SLC27A2: variants seen among roughly 807,000 people sequenced by gnomAD.
SLC27A2 encodes the protein solute carrier family 27 member 2.
A neutral mutation model predicts 60.0 loss-of-function variants in SLC27A2; 54 were observed. That is an observed-to-expected ratio of 0.90 (90% confidence interval 0.72 to 1.13). The LOEUF (loss-of-function observed/expected upper bound fraction) is 1.13, where lower values mean the gene tolerates loss of function less well. Ranked by LOEUF, SLC27A2 falls within the 50% of genes most tolerant of loss-of-function variation. SLC27A2 has a pLI of 0.00. For synonymous variants in SLC27A2, 297 were observed against 297.6 expected, an observed-to-expected ratio of 1.00 and a Z score of 0.02; for missense variants, 739 against 777.6, an observed-to-expected ratio of 0.95 and a Z score of 0.59.
At chr15:50,208,510 C>T (rs1008187080) in intron 4 of SLC27A2, among the ~76,000 whole-genome samples, 2 of 152,142 alleles carry the variant, frequency 1.3e-5, no homozygotes, top group African/African-American at 4.8e-5. Flanking sequence ...ATATATAAAC[C>T]ACATAGTAGC....
chr15:50,231,399 C>A (rs910265926), intron 8 of SLC27A2, among the ~76,000 whole-genome samples: 4 of 152,118 alleles, frequency 2.6e-5, no homozygotes, highest in Admixed American at 2.0e-4. Flanking sequence ...CACACCCCGA[C>A]CTTGGCCTCC....
chr15:50,227,467 A>G (rs1185728653), intron 7 of SLC27A2, among the ~76,000 whole-genome samples: 1 of 152,234 alleles, frequency 6.6e-6, no homozygotes. Flanking sequence ...CTGCATTATT[A>G]CTGGTCACTC....
At position 50,216,610 on chromosome 15, in the gene SLC27A2, GTATATATATATATATATATATA is replaced by G. The variant is rs59683706; in HGVS notation, c.973-6330_973-6309del. Among the ~76,000 whole-genome samples, 8 of 66,490 alleles carry G rather than the reference GTATATATATATATATATATATA, an allele frequency of 1.2e-4. 1 individual carries two copies. Among genetic ancestry groups the G allele is most frequent in the South Asian group, 5.4e-4 (1 of 1,854 alleles). 43.6% of individuals were successfully genotyped at this position (66,490 alleles called of 152,430 possible). On this transcript the variant is annotated intron_variant, in intron 4 of 9. Coordinates refer to ENST00000267842, the MANE Select transcript of SLC27A2 (RefSeq NM_003645.4). ...AAGAAACTGTGGTGTGTGTGTGTGT[GTATATATATATATATATATATA>G]TATATATATATATATATATATATAG...
intron 4 of SLC27A2, among the ~76,000 whole-genome samples, chr15:50,222,433 G>A (rs927015682): frequency 6.6e-6 from 1 of 151,946 alleles, no homozygotes; most frequent in African/African-American, 2.4e-5. Flanking sequence ...TCTCTCTGTC[G>A]CTCACTGGAC....
chr15:50,216,055 T>A (rs921177353), intron 4 of SLC27A2, among the ~76,000 whole-genome samples: 4 of 152,138 alleles, frequency 2.6e-5, no homozygotes, highest in African/African-American at 9.7e-5. Flanking sequence ...ATCTTCACAA[T>A]CTATACACCT....
chr15:50,235,453 T>A (rs2045344926), intron 9 of SLC27A2, among the ~76,000 whole-genome samples: 1 of 152,182 alleles, frequency 6.6e-6, no homozygotes, highest in African/African-American at 2.4e-5. Context: ...TATGCACAGG[T>A]ATCTCATCCT....
intron 8 of SLC27A2, among the ~76,000 whole-genome samples, chr15:50,230,620 A>G (rs1333658997): frequency 2.0e-5 from 3 of 152,152 alleles, no homozygotes; most frequent in Admixed American, 6.5e-5. Flanking sequence ...GAGGGGAAAT[A>G]TGGCCACATC....
At chr15:50,227,336 G>T (rs1201271341) in intron 7 of SLC27A2, among the ~76,000 whole-genome samples, 158 bp downstream of exon 7, 3 of 152,228 alleles carry the variant, frequency 2.0e-5, no homozygotes, top group Non-Finnish European at 4.4e-5. Context: ...GGAATGAAGT[G>T]CATGAAGTGT....
chr15:50,205,808 G>A (rs2045107853), intron 4 of SLC27A2, among the ~76,000 whole-genome samples: 1 of 152,042 alleles, frequency 6.6e-6, no homozygotes, highest in Admixed American at 6.5e-5. Context: ...ATCCTTCCTT[G>A]GCTGTAATAT....
intron 1 of SLC27A2, among the ~76,000 whole-genome samples, chr15:50,183,873 C>G (rs2044895905): frequency 6.6e-6 from 1 of 151,896 alleles, no homozygotes; most frequent in Non-Finnish European, 1.5e-5. Context: ...GCTTTTATTA[C>G]CCCGGGAGAT....
intron 1 of SLC27A2, among the ~76,000 whole-genome samples, chr15:50,195,653 A>AT (rs1244968579): frequency 6.6e-6 from 1 of 151,950 alleles, no homozygotes; most frequent in East Asian, 1.9e-4. Flanking sequence ...TGATTAAAAT[A>AT]TTTTTTTAAA....
rs781359042 is a variant in SLC27A2 at position 50,226,094 on chromosome 15, G to A, written c.1258+16G>A. On this transcript the variant is annotated intron_variant, in intron 6 of 9. Coordinates refer to ENST00000267842, the MANE Select transcript of SLC27A2 (RefSeq NM_003645.4). ...GTTCCCAAAGGTACAGTGGACTTTT[G>A]TTCAATCAACCTGTGCCCCTTCTTA... is the stretch of plus-strand genomic sequence containing the variant. The A allele has an allele frequency of 2.6e-6, 4 of 1,515,686 alleles. No homozygotes were observed. The highest frequency in any genetic ancestry group is 3.3e-5 in the Admixed American group (2 of 59,716). The allele number at this position is 1,515,686 out of a possible 1,614,324, so 93.9% of individuals were successfully genotyped here.
At chr15:50,233,030 C>T (rs2045326497) in intron 8 of SLC27A2, among the ~76,000 whole-genome samples, 1 of 152,078 alleles carries the variant, frequency 6.6e-6, no homozygotes, top group Non-Finnish European at 1.5e-5. Flanking sequence ...ACCTAATTAC[C>T]ACTGTCCTCA....
At chr15:50,204,024 TACAC>T (rs376863557) in intron 3 of SLC27A2, among the ~76,000 whole-genome samples, 2 of 150,610 alleles carry the variant, frequency 1.3e-5, no homozygotes, top group East Asian at 1.9e-4. Flanking sequence ...CACACACACA[TACAC>T]ACACACACAC....
chr15:50,224,303 G>T (rs182546622), intron 5 of SLC27A2, among the ~76,000 whole-genome samples: 35 of 152,278 alleles, frequency 2.3e-4, no homozygotes, highest in African/African-American at 8.4e-4. Context: ...AGCCGGGCAT[G>T]GTGGCGGGAG....
chr15:50,217,100 G>A (rs1269033859), intron 4 of SLC27A2, among the ~76,000 whole-genome samples: 1 of 151,692 alleles, frequency 6.6e-6, no homozygotes, highest in Non-Finnish European at 1.5e-5. Context: ...TTGGGGGGAA[G>A]AGTGGGAGGG....
chr15:50,189,336 G>C (rs1229466714), intron 1 of SLC27A2, among the ~76,000 whole-genome samples: 1 of 151,950 alleles, frequency 6.6e-6, no homozygotes, highest in Non-Finnish European at 1.5e-5. Flanking sequence ...CTCTCCTTGG[G>C]TCTCAGTGCA....
At chr15:50,217,092 G>T (rs28667622) in intron 4 of SLC27A2, among the ~76,000 whole-genome samples, 186 of 151,448 alleles carry the variant, frequency 1.2e-3, no homozygotes, top group African/African-American at 4.2e-3. Flanking sequence ...TTGGGGACTT[G>T]GGGGGAAGAG....
At chr15:50,230,430 C>A (rs1299519185) in intron 8 of SLC27A2, among the ~76,000 whole-genome samples, 1 of 151,938 alleles carries the variant, frequency 6.6e-6, no homozygotes, top group Non-Finnish European at 1.5e-5. Flanking sequence ...GTAATCCCAG[C>A]TACTTGGGAG....
Sources: allele counts gnomAD v4.1 joint callset (sites outside exome capture counted in the v4.1 genomes callset), GRCh38; gene constraint gnomAD v4.1.1; transcripts MANE v1.5; gene names NCBI Gene and HGNC (gene_info 2026-07-23, HGNC 2026-07-21).